The following ITGBL1 variants were observed in gnomAD, a reference collection of about 807,000 sequenced individuals.
ITGBL1 encodes the protein integrin subunit beta like 1.
ITGBL1 carries 51 observed loss-of-function variants against 68.5 expected under a neutral mutation model. The ratio of observed to expected loss-of-function variants is 0.74; its 90% CI spans 0.59 to 0.94. ITGBL1 has a LOEUF of 0.94. ITGBL1 is among the 40% of genes least tolerant of loss of function. The pLI, the probability that ITGBL1 is intolerant of heterozygous loss-of-function variation, is 0.00. For missense variants in ITGBL1, 649 were observed against 647.4 expected, an observed-to-expected ratio of 1.00 and a Z score of -0.03; for synonymous variants, 209 against 227.3, an observed-to-expected ratio of 0.92 and a Z score of 0.72.
At chr13:101,526,026 C>T (rs547273496) in intron 2 of ITGBL1, among the ~76,000 whole-genome samples, 25 of 151,914 alleles carry the variant, frequency 1.6e-4, no homozygotes, top group Non-Finnish European at 2.9e-4. Flanking sequence ...ATTTTGATTA[C>T]TTCACATCAA....
chr13:101,593,790 T>C (rs2050697934), intron 6 of ITGBL1, among the ~76,000 whole-genome samples: 1 of 152,072 alleles, frequency 6.6e-6, no homozygotes, highest in African/African-American at 2.4e-5. Flanking sequence ...GAAAGGTTGG[T>C]CTGTGGTCCA....
chr13:101,628,770 A>T (rs1218256367), intron 7 of ITGBL1, among the ~76,000 whole-genome samples: 1 of 151,384 alleles, frequency 6.6e-6, no homozygotes, highest in African/African-American at 2.4e-5. Context: ...TTTTTACATG[A>T]TCTAGTATAT....
chr13:101,544,772 C>T (rs1299430315), intron 2 of ITGBL1, among the ~76,000 whole-genome samples: 1 of 152,188 alleles, frequency 6.6e-6, no homozygotes, highest in Non-Finnish European at 1.5e-5. Flanking sequence ...CCTCCCCGAG[C>T]CTTGCTGCTG....
At chr13:101,466,037 A>G (rs1178106170) in intron 2 of ITGBL1, among the ~76,000 whole-genome samples, 2 of 152,194 alleles carry the variant, frequency 1.3e-5, no homozygotes, top group African/African-American at 2.4e-5. Flanking sequence ...AAAGGCCAAG[A>G]AAACTTGGAG....
chr13:101,703,878 AAGGATTTGGCTG>A, intron 8 of ITGBL1, among the ~76,000 whole-genome samples: 1 of 152,304 alleles, frequency 6.6e-6, no homozygotes, highest in Non-Finnish European at 1.5e-5. Context: ...AGCTTTGGAA[AAGGATTTGGCTG>A]AAGGCAGCCA....
At chr13:101,660,970 G>GATGCTCTAT (rs1173642360) in intron 7 of ITGBL1, among the ~76,000 whole-genome samples, 1 of 152,170 alleles carries the variant, frequency 6.6e-6, no homozygotes, top group Non-Finnish European at 1.5e-5. Flanking sequence ...ATTTCATCCA[G>GATGCTCTAT]ATGCTCTATA....
intron 2 of ITGBL1, among the ~76,000 whole-genome samples, chr13:101,466,167 G>C (rs917566509): frequency 6.6e-6 from 1 of 152,114 alleles, no homozygotes; most frequent in Non-Finnish European, 1.5e-5. Flanking sequence ...GCTGAATTTA[G>C]TTCTATTGCT....
At chr13:101,543,146 C>T (rs1415233217) in intron 2 of ITGBL1, among the ~76,000 whole-genome samples, 2 of 152,276 alleles carry the variant, frequency 1.3e-5, no homozygotes, top group East Asian at 3.9e-4. Context: ...CAGTTTCTTC[C>T]TAGCCTTGAT....
At chr13:101,535,608 CTT>C (rs1279026297) in intron 2 of ITGBL1, among the ~76,000 whole-genome samples, 1 of 152,074 alleles carries the variant, frequency 6.6e-6, no homozygotes, top group East Asian at 1.9e-4. Flanking sequence ...GGTTCAGACT[CTT>C]TCCTTAAGGA....
chr13:101,501,218 G>T (rs529325707), intron 2 of ITGBL1, among the ~76,000 whole-genome samples: 1 of 152,242 alleles, frequency 6.6e-6, no homozygotes, highest in East Asian at 1.9e-4. Context: ...TGAAGAGATG[G>T]TAAGAATTCC....
intron 2 of ITGBL1, among the ~76,000 whole-genome samples, chr13:101,502,692 A>C (rs2048962769): frequency 6.6e-6 from 1 of 152,186 alleles, no homozygotes; most frequent in African/African-American, 2.4e-5. Context: ...ATTATGAGAG[A>C]TATGAGTAAA....
intron 2 of ITGBL1, among the ~76,000 whole-genome samples, chr13:101,457,207 T>C (rs577510933): frequency 2.4e-4 from 36 of 152,232 alleles, no homozygotes; most frequent in African/African-American, 8.7e-4. Context: ...GATGGAAGGA[T>C]GGGTGGATGG....
intron 2 of ITGBL1, among the ~76,000 whole-genome samples, chr13:101,542,612 G>T (rs1487252524): frequency 6.6e-6 from 1 of 152,186 alleles, no homozygotes; most frequent in Non-Finnish European, 1.5e-5. Context: ...GGATATCCTT[G>T]TTAACTTTCT....
At chr13:101,700,407 T>C (rs1307051563) in intron 8 of ITGBL1, among the ~76,000 whole-genome samples, 1 of 152,234 alleles carries the variant, frequency 6.6e-6, no homozygotes, top group Non-Finnish European at 1.5e-5. Flanking sequence ...CTTCTCTGTG[T>C]TTCCACTGCC....
intron 2 of ITGBL1, among the ~76,000 whole-genome samples, chr13:101,556,079 C>T (rs972868334): frequency 1.5e-4 from 23 of 152,110 alleles, no homozygotes; most frequent in Non-Finnish European, 2.2e-4. Context: ...GTGCTTTGTG[C>T]ATACTGACTT....
chr13:101,667,730 T>C (rs2033256808), intron 7 of ITGBL1, among the ~76,000 whole-genome samples: 1 of 152,144 alleles, frequency 6.6e-6, no homozygotes, highest in Non-Finnish European at 1.5e-5. Context: ...AAATGAAAGC[T>C]ATAAGATCTT....
intron 4 of ITGBL1, among the ~76,000 whole-genome samples, chr13:101,575,794 A>G (rs1328919786): frequency 6.6e-6 from 1 of 152,174 alleles, no homozygotes; most frequent in Non-Finnish European, 1.5e-5. Context: ...GGCCAACTGC[A>G]TAGCTCTGAA....
chr13:101,566,500 A>T (rs2050185000), intron 2 of ITGBL1, among the ~76,000 whole-genome samples: 1 of 152,176 alleles, frequency 6.6e-6, no homozygotes. Context: ...ATAAAATAGA[A>T]TAATTAATTT....
At chr13:101,641,699 C>G (rs1265582324) in intron 7 of ITGBL1, among the ~76,000 whole-genome samples, 1 of 149,652 alleles carries the variant, frequency 6.7e-6, no homozygotes, top group African/African-American at 2.5e-5. Flanking sequence ...TCTCCTAATG[C>G]TATCCCTTCC....
Sources: gnomAD v4.1 joint callset for allele counts (sites outside exome capture counted in the v4.1 genomes callset) on GRCh38, gnomAD v4.1.1 for gene constraint, MANE v1.5 for transcripts, NCBI Gene and HGNC (gene_info 2026-07-23, HGNC 2026-07-21) for gene names.